TSNARE1: variants seen among roughly 807,000 people sequenced by gnomAD.
TSNARE1 encodes t-SNARE domain-containing protein 1.
Under a neutral mutation model 62.0 loss-of-function variants are expected in TSNARE1, and 49 were observed. The observed-to-expected ratio is 0.79, with a 90% CI of 0.63 to 1.00. TSNARE1 has a LOEUF of 1.00. Ranked by LOEUF, TSNARE1 falls within the 50% of genes least tolerant of loss-of-function variation. TSNARE1 has a pLI of 0.00. For missense variants in TSNARE1, 755 were observed against 700.1 expected (o/e 1.08, Z -0.88); for synonymous variants, 328 against 294.4 (o/e 1.11, Z -1.17).
chr8:142,402,287 G>C (rs931110514), intron 1 of TSNARE1, among the ~76,000 whole-genome samples: 1 of 152,192 alleles, frequency 6.6e-6, no homozygotes, highest in Non-Finnish European at 1.5e-5. Context: ...GTGATAAGCA[G>C]TGTTCCCTAC....
rs1274125535 is a variant in TSNARE1 at position 142,403,159 on chromosome 8, GGGGC to G, written c.-99_-96del. ...GGCGCTCACGGCGGGCGAGGCGGGC[GGGGC>G]GGGCACCCAAACATCACGTGACGGC... On this transcript the variant is annotated 5_prime_UTR_variant, in exon 1 of 14. An upstream open reading frame in the 5' UTR loses its in-frame stop. Transcript: ENST00000524325. The G allele has an allele frequency of 1.3e-5, 2 of 148,540 alleles. No homozygotes were observed. Among genetic ancestry groups the G allele is most frequent in the African/African-American group, 4.9e-5 (2 of 40,858 alleles). The allele number at this position is 148,540 out of a possible 1,614,324, so 9.2% of individuals were successfully genotyped here.
chr8:142,371,816 AAAC>A (rs1325211798), intron 1 of TSNARE1, among the ~76,000 whole-genome samples: 15 of 152,226 alleles, frequency 9.9e-5, no homozygotes, highest in Admixed American at 9.8e-4. Flanking sequence ...GAGGGTTGGC[AAAC>A]AACAACCCAC....
At chr8:142,382,411 C>T (rs938588033) in intron 1 of TSNARE1, among the ~76,000 whole-genome samples, 17 of 152,178 alleles carry the variant, frequency 1.1e-4, no homozygotes, top group Admixed American at 9.8e-4. Context: ...GGGAGGCCGG[C>T]CTCTGCCCAC....
At chr8:142,320,646 G>A (rs1408477153) in intron 6 of TSNARE1, among the ~76,000 whole-genome samples, 1 of 152,210 alleles carries the variant, frequency 6.6e-6, no homozygotes, top group African/African-American at 2.4e-5. Flanking sequence ...ACAAATCCCT[G>A]CCTTAACACT....
chr8:142,245,634 T>C (rs942371230), intron 12 of TSNARE1, among the ~76,000 whole-genome samples: 1 of 152,220 alleles, frequency 6.6e-6, no homozygotes, highest in Admixed American at 6.5e-5. Flanking sequence ...CATTGTTTAG[T>C]AGTGAATACA....
At chr8:142,308,821 T>C (rs544633491) in intron 9 of TSNARE1, among the ~76,000 whole-genome samples, 12 of 152,270 alleles carry the variant, frequency 7.9e-5, no homozygotes, top group South Asian at 2.1e-4. Flanking sequence ...TGGAACCTTA[T>C]TGGGATTGTA....
At chr8:142,290,728 C>T (rs1823608895) in intron 10 of TSNARE1, among the ~76,000 whole-genome samples, 1 of 152,246 alleles carries the variant, frequency 6.6e-6, no homozygotes, top group Non-Finnish European at 1.5e-5. Context: ...CTGTGCAATG[C>T]CAACCACAGG....
chr8:142,307,235 T>C (rs1292291711), intron 9 of TSNARE1, among the ~76,000 whole-genome samples: 1 of 152,208 alleles, frequency 6.6e-6, no homozygotes, highest in Admixed American at 6.5e-5. Flanking sequence ...GTGGGCGTGG[T>C]GGCCACAGCT....
At chr8:142,349,360 T>G (rs1437183437) in intron 2 of TSNARE1, among the ~76,000 whole-genome samples, 1 of 152,226 alleles carries the variant, frequency 6.6e-6, no homozygotes, top group Non-Finnish European at 1.5e-5. Context: ...GATATTCAAC[T>G]AAAGCAGTTT....
chr8:142,312,922 T>C (rs11167138), intron 9 of TSNARE1, among the ~76,000 whole-genome samples: 85,363 of 152,108 alleles, frequency 0.56, 25,769 homozygotes, highest in African/African-American at 0.79. Context: ...GATCTGGGAA[T>C]GCGTGCCTCT....
rs1000251509 is a variant in TSNARE1, at chr8:142,217,911, T to C, written c.*12-5598A>G. On this transcript the variant is annotated intron_variant, in intron 13 of 13. Coordinates refer to ENST00000524325, the MANE Select transcript of TSNARE1 (RefSeq NM_145003.5). ...CTCAGTGTGTGACCAGGATCAGGGC[T>C]CAGAGTGTGAACAGGATCAGGGCTC... Among the ~76,000 whole-genome samples, 79 of 64,382 alleles carry C rather than the reference T, an allele frequency of 1.2e-3. 4 individuals carry two copies. The highest frequency in any genetic ancestry group is 1.5e-3 in the Non-Finnish European group (48 of 31,220). The allele number at this position is 64,382 out of a possible 152,430, so 42.2% of individuals were successfully genotyped here. A position where few individuals can be genotyped will look rare whatever the true frequency, so the allele number is the denominator to read the frequency against.
At position 142,346,437 on chromosome 8, in the gene TSNARE1, AT is replaced by A. The variant is rs1230317985; in HGVS notation, c.89-546del. 2.6e-5 allele frequency among the ~76,000 whole-genome samples: 4 copies of A among 152,326 alleles called. No individual in the cohort carries two copies. In the East Asian group the frequency reaches 7.7e-4, roughly 29 times the overall value. The stretch of plus-strand genomic sequence containing the variant: ...CAGCCCCCGCACGGAACGCATCGTA[AT>A]TTTCTCTAATTATTTCCATTTGTTC... On this transcript the variant is annotated intron_variant, in intron 2 of 13. Transcript: ENST00000524325.
intron 13 of TSNARE1, among the ~76,000 whole-genome samples, chr8:142,224,025 C>T (rs1026052867): frequency 3.3e-5 from 5 of 150,250 alleles, no homozygotes; most frequent in Non-Finnish European, 7.4e-5. Flanking sequence ...TGAGAGCTAT[C>T]GGTGCAGTCC....
At position 142,327,299 on chromosome 8, in the gene TSNARE1, C is replaced by G. The variant is rs143331881; in HGVS notation, c.893+3602G>C. On this transcript the variant is annotated intron_variant, in intron 6 of 13. Coordinates refer to ENST00000524325, the MANE Select transcript of TSNARE1 (RefSeq NM_145003.5). ...AAGCTGGTGAATAGGTCTGTCCTCA[C>G]AGTGGGACAGAGAGGGGGCGGTTCT... 4.9e-3 allele frequency among the ~76,000 whole-genome samples: 740 copies of G among 152,230 alleles called. 2 individuals are homozygous for G. The highest frequency in any genetic ancestry group is 0.017 in the African/African-American group (695 of 41,538).
At chr8:142,315,284 A>G (rs992314500) in intron 7 of TSNARE1, among the ~76,000 whole-genome samples, 192 bp from the exon 8 acceptor site, 9 of 152,032 alleles carry the variant, frequency 5.9e-5, no homozygotes, top group African/African-American at 2.2e-4. Flanking sequence ...CACCATCACC[A>G]CAAAATCCGG....
intron 12 of TSNARE1, among the ~76,000 whole-genome samples, chr8:142,256,244 CCAT>C (rs1818539013): frequency 2.4e-4 from 30 of 126,666 alleles, no homozygotes; most frequent in South Asian, 8.7e-4. Flanking sequence ...ACCACCATCA[CCAT>C]CACCATCATC....
chr8:142,275,116 G>A, intron 11 of TSNARE1: 1 of 985,408 alleles, frequency 1.0e-6, no homozygotes, highest in Non-Finnish European at 1.2e-6. Context: ...ACACCAGGTG[G>A]GGCAGGAAGA....
chr8:142,392,918 C>A (rs570431155), intron 1 of TSNARE1, among the ~76,000 whole-genome samples: 2 of 145,818 alleles, frequency 1.4e-5, no homozygotes, highest in Middle Eastern at 3.3e-3. Flanking sequence ...CCAGCCTGAG[C>A]GAAACTCCGT....
chr8:142,271,089 A>C (rs1007948161), intron 12 of TSNARE1: 2 of 985,768 alleles, frequency 2.0e-6, no homozygotes, highest in Non-Finnish European at 2.4e-6. Context: ...GACCAGCCCT[A>C]TATCTCCTCC....
Sources: allele counts gnomAD v4.1 joint callset (sites outside exome capture counted in the v4.1 genomes callset), GRCh38; gene constraint gnomAD v4.1.1; transcripts MANE v1.5; gene names NCBI Gene and HGNC (gene_info 2026-07-23, HGNC 2026-07-21).